TBCE: variants seen among roughly 807,000 people sequenced by gnomAD.
TBCE encodes tubulin folding cofactor E.
In TBCE, 53 loss-of-function variants were observed where a neutral mutation model predicts 77.0. The observed-to-expected ratio is 0.69, with a 90% confidence interval of 0.55 to 0.87. The LOEUF (loss-of-function observed/expected upper bound fraction) is 0.87, where lower values mean the gene tolerates loss of function less well. TBCE is among the 40% of genes least tolerant of loss of function. TBCE has a pLI of 0.00. For synonymous variants in TBCE, 235 were observed against 241.3 expected (o/e 0.97, Z 0.24); for missense variants, 624 against 622.4 (o/e 1.00, Z -0.03).
chr1:235,392,045 G>C (rs11584501), intron 2 of TBCE, among the ~76,000 whole-genome samples: 23,942 of 151,964 alleles, frequency 0.16, 2,542 homozygotes, highest in African/African-American at 0.3. Context: ...TCATAGGTTG[G>C]GTATGGTGGC....
At chr1:235,428,983 A>ATTTT (rs1321641653) in intron 6 of TBCE, 3 of 97,876 alleles carry the variant, frequency 3.1e-5, no homozygotes, top group African/African-American at 5.1e-5. Flanking sequence ...ATATATATAT[A>ATTTT]TATTTTTTTT....
intron 2 of TBCE, among the ~76,000 whole-genome samples, chr1:235,391,600 CTTTTTTTTT>C (rs58265980): frequency 2.3e-5 from 2 of 85,392 alleles, no homozygotes; most frequent in Non-Finnish European, 2.1e-5. Context: ...GCTTCATTTC[CTTTTTTTTT>C]TTTTTTTTTT....
intron 4 of TBCE, chr1:235,415,837 A>G (rs1680076478): frequency 6.6e-6 from 1 of 152,168 alleles, no homozygotes; most frequent in African/African-American, 2.4e-5. Context: ...AGATTGAACA[A>G]AAAAGTATCA....
chr1:235,433,268 T>A, intron 7 of TBCE: 1 of 938,502 alleles, frequency 1.1e-6, no homozygotes, highest in Non-Finnish European at 1.4e-6. Context: ...TTGCCTAGGC[T>A]GGAGTGCAGT....
intron 3 of TBCE, among the ~76,000 whole-genome samples, chr1:235,402,062 T>C: frequency 6.6e-6 from 1 of 151,024 alleles, no homozygotes; most frequent in Non-Finnish European, 1.5e-5. Context: ...TGCATTTCTT[T>C]GTCTTTTTTT....
chr1:235,428,007 G>C (rs1289042492), intron 6 of TBCE, among the ~76,000 whole-genome samples: 3 of 151,540 alleles, frequency 2.0e-5, no homozygotes, highest in Non-Finnish European at 4.4e-5. Flanking sequence ...TCCAGCCTGG[G>C]TGATAGAGCA....
chr1:235,426,213 C>A (rs891687329), intron 5 of TBCE, among the ~76,000 whole-genome samples: 1 of 152,196 alleles, frequency 6.6e-6, no homozygotes, highest in South Asian at 2.1e-4. Flanking sequence ...TGCACCTGCA[C>A]CTAGCCCCTC....
rs373731946 is a variant in TBCE, at chr1:235,439,307, C to T, written c.1270+385C>T. 4.8e-4 allele frequency among the ~76,000 whole-genome samples: 70 copies of T among 145,186 alleles called. 2 individuals carry two copies. Among genetic ancestry groups the T allele is most frequent in the African/African-American group, 1.7e-3 (64 of 38,218 alleles). On this transcript the variant is annotated intron_variant, in intron 13 of 16. Transcript: ENST00000642610. ...GAGATCGAGACCATCCTAGCTAACA[C>T]GGTGAAACCCCGTCCCTACTAAAAA... is the stretch of plus-strand genomic sequence containing the variant.
intron 2 of TBCE, among the ~76,000 whole-genome samples, chr1:235,390,697 G>T (rs899391495): frequency 6.6e-6 from 1 of 150,556 alleles, no homozygotes; most frequent in African/African-American, 2.5e-5. Flanking sequence ...GGAGACGGAG[G>T]TTGCAGTGAG....
chr1:235,394,458 C>T (rs1317624686), intron 2 of TBCE, among the ~76,000 whole-genome samples: 1 of 113,442 alleles, frequency 8.8e-6, no homozygotes, highest in African/African-American at 3.5e-5. Context: ...CAGGTTGTCA[C>T]TCTGTTGCCC....
Position 235,435,754 on chromosome 1 carries a change from T to A in TBCE, c.747T>A (p.Asp249Glu). ...NNIFISERPTDVLQTVKLLDL... is the reference protein window; with the variant it reads ...NNIFISERPTEVLQTVKLLDL... ...TTTATTTTCCATACAGGCCAACAGA[T>A]GTTCTCCAGACAGTCAAGTTATTAG... is the stretch of plus-strand genomic sequence containing the variant. The change falls in exon 9 of 17, where the codon GAT becomes GAA. Residue 249 changes from aspartate to glutamate, a missense_variant. Physicochemically the swap from Asp to Glu is conservative, Grantham distance 45. Coordinates refer to ENST00000642610, the MANE Select transcript of TBCE (RefSeq NM_003193.5). 6.2e-7 allele frequency: 1 copy of A among 1,614,050 alleles called. No individual in the cohort carries two copies. The highest frequency in any genetic ancestry group is 1.1e-5 in the South Asian group (1 of 91,086).
Position 235,450,466 on chromosome 1 carries a change from G to T in TBCE, c.*1704G>T. The T allele has an allele frequency of 8.2e-7, 1 of 1,219,188 alleles. No homozygotes were observed. Among genetic ancestry groups the T allele is most frequent in the Non-Finnish European group, 1.1e-6 (1 of 872,976 alleles). The allele number at this position is 1,219,188 out of a possible 1,614,324, so 75.5% of individuals were successfully genotyped here. A position where few individuals can be genotyped will look rare whatever the true frequency, so the allele number is the denominator to read the frequency against. On this transcript the variant is annotated 3_prime_UTR_variant, in exon 17 of 17. Coordinates refer to ENST00000642610, the MANE Select transcript of TBCE (RefSeq NM_003193.5). ...GAAATTATTTCAAGGATAACTCCGTGTGTGGAACAACTGGTGAGGTTTGGG... is the reference window on the plus strand; with the variant it reads ...GAAATTATTTCAAGGATAACTCCGTTTGTGGAACAACTGGTGAGGTTTGGG...
chr1:235,434,189 G>A lies in TBCE; in HGVS notation c.661-15G>A, dbSNP rs778738882. ...AGCAGAGGCCGCCTGAGCCTGAACC[G>A]AGTTTCTCTTCCAGGTGCTGCGGTG... is the stretch of plus-strand genomic sequence containing the variant. On this transcript the variant is annotated splice_polypyrimidine_tract_variant and intron_variant, in intron 7 of 16. Transcript: ENST00000642610. 49 of 1,613,852 alleles carry A rather than the reference G, an allele frequency of 3.0e-5. No individual in the cohort carries two copies. The highest frequency in any genetic ancestry group is 3.7e-5 in the Non-Finnish European group (44 of 1,179,902).
chr1:235,387,047 A>T (rs977597345), intron 2 of TBCE, among the ~76,000 whole-genome samples: 11 of 152,026 alleles, frequency 7.2e-5, no homozygotes, highest in African/African-American at 2.7e-4. Context: ...GGTCTGTTGG[A>T]GTTTGCTAGA....
At chr1:235,439,190 T>C (rs1385016125) in intron 13 of TBCE, among the ~76,000 whole-genome samples, 1 of 151,942 alleles carries the variant, frequency 6.6e-6, no homozygotes, top group African/African-American at 2.4e-5. Flanking sequence ...GCAATTCTTT[T>C]ATTTTTAAGA....
Position 235,387,299 on chromosome 1 carries a change from A to G in TBCE, c.100+7150A>G, listed in dbSNP as rs533158081. Reference sequence around the variant, plus strand: ...TGCCTGTTCTCAGATCTCCAGCTGCATGCTGGGAGAACCACTGCTCTCTTC... The same window carrying G: ...TGCCTGTTCTCAGATCTCCAGCTGCGTGCTGGGAGAACCACTGCTCTCTTC... On this transcript the variant is annotated intron_variant, in intron 2 of 16. Transcript: ENST00000642610. Among the ~76,000 whole-genome samples the G allele has an allele frequency of 5.9e-3, 896 of 152,208 alleles. 9 individuals are homozygous for G. Among genetic ancestry groups the G allele is most frequent in the African/African-American group, 0.021 (862 of 41,506 alleles).
At chr1:235,370,745 CTTTTT>C (rs747282905) in intron 1 of TBCE, among the ~76,000 whole-genome samples, 2 of 78,202 alleles carry the variant, frequency 2.6e-5, no homozygotes, top group South Asian at 7.7e-4. Flanking sequence ...CTTGTCTTTT[CTTTTT>C]TTTTTTTTTG....
At chr1:235,442,796 T>C in intron 14 of TBCE, 56 bp from the exon 15 acceptor site, 1 of 1,552,124 alleles carries the variant, frequency 6.4e-7, no homozygotes, top group Non-Finnish European at 8.8e-7. Context: ...GTGTGGATAA[T>C]TTAAATCCAT....
chr1:235,448,489 A>G (rs763338152), intron 16 of TBCE, 49 bp downstream of exon 16: 24 of 1,551,432 alleles, frequency 1.5e-5, no homozygotes, highest in Non-Finnish European at 2.1e-5. Context: ...TAGTCCTCGT[A>G]TTATGACATT....
Sources: allele counts gnomAD v4.1 joint callset (sites outside exome capture counted in the v4.1 genomes callset), GRCh38; gene constraint gnomAD v4.1.1; transcripts MANE v1.5; gene names NCBI Gene and HGNC (gene_info 2026-07-23, HGNC 2026-07-21).